Variants in GPR132 observed in about 807,000 individuals in gnomAD.
The protein encoded by GPR132 is probable G protein-coupled receptor 132.
A neutral mutation model predicts 1.9 loss-of-function variants in GPR132; 4 were observed. That is an observed-to-expected ratio of 2.13 (90% CI 1.05 to 4.87). The LOEUF (loss-of-function observed/expected upper bound fraction) is 4.87. Among genes scored for constraint, GPR132 ranks in the 30% most tolerant of loss-of-function variants. The pLI is 0.01. For synonymous variants in GPR132, 233 were observed against 234.2 expected (o/e 0.99, Z 0.05); for missense variants, 404 against 512.5 (o/e 0.79, Z 2.04).
rs775680264 is a variant in GPR132 at position 105,051,937 on chromosome 14, G to T, written c.200C>A (p.Ala67Glu). 1.1e-5 allele frequency: 17 copies of T among 1,613,322 alleles called. No homozygotes were observed. Among genetic ancestry groups the T allele is most frequent in the Non-Finnish European group, 1.4e-5 (17 of 1,179,922 alleles). The change falls in exon 4 of 4, where the codon GCG becomes GAG. Residue 67 changes from alanine to glutamate, a missense_variant. Physicochemically the swap from Ala to Glu is moderately radical, Grantham distance 107 (BLOSUM62 -1). Coordinates refer to ENST00000329797, the MANE Select transcript of GPR132 (RefSeq NM_013345.4). The surrounding 1 kb of genome is among the most constrained non-coding windows in gnomAD (Gnocchi z 8.0). Reference protein sequence around the residue: ...VPANCLTAWLALLQVLQGNVL... With the variant: ...VPANCLTAWLELLQVLQGNVL... ...GTTGCCCTGCAGTACCTGCAGCAGC[G>T]CCAGCCACGCAGTCAGGCAGTTGGC...
chr14:105,052,086 C>A lies in GPR132; in HGVS notation c.51G>T (p.Val17=). Residue 17 remains valine, a synonymous_variant, in exon 4 of 4, where the codon GTG becomes GTT. Transcript: ENST00000329797. ...KNGYNGNATP[V]TTTAPWASLG... ...GGGAGGCCCACGGGGCAGTGGTGGT[C>A]ACTGGGGTGGCGTTTCCTGTGGGAC... 6.4e-7 allele frequency: 1 copy of A among 1,573,804 alleles called. No individual in the cohort carries two copies. Among genetic ancestry groups the A allele is most frequent in the South Asian group, 1.1e-5 (1 of 88,172 alleles).
At position 105,054,293 on chromosome 14, in the gene GPR132, C is replaced by T. The variant is rs564293842; in HGVS notation, c.34+1094G>A. 3 of 1,074,754 alleles carry T rather than the reference C, an allele frequency of 2.8e-6. No individual in the cohort carries two copies. The African/African-American group carries it at 5.1e-5, about 18-fold the overall frequency. 66.6% of individuals were successfully genotyped at this position (1,074,754 alleles called of 1,614,324 possible). ...CTGTCCAGCCCGCTGGCCTCAGGAA[C>T]CTTCCACATGCAAATGTCGTAGTTT... On this transcript the variant is annotated intron_variant, in intron 3 of 3. Transcript: ENST00000329797.
At position 105,055,736 on chromosome 14, in the gene GPR132, T is replaced by C. The variant is rs1472640563; in HGVS notation, c.-316A>G. 2.3e-6 allele frequency: 1 copy of C among 440,590 alleles called. No individual in the cohort carries two copies. Among genetic ancestry groups the C allele is most frequent in the African/African-American group, 1.9e-5 (1 of 51,558 alleles). 27.3% of individuals were successfully genotyped at this position (440,590 alleles called of 1,614,324 possible). On this transcript the variant is annotated 5_prime_UTR_variant, in exon 3 of 4. Transcript: ENST00000329797. This position sits in a 1 kb window ranked among gnomAD's most constrained non-coding sequence, Gnocchi z 4.7. ...GGATGGTATTCCATTGTATTCAGTG[T>C]GTCCTCCAGGGTCTCGCCAAAAATA...
rs144273551 is a variant in GPR132, at chr14:105,059,839, A to AAAAC, written c.-860-2563_-860-2560dup. Among the ~76,000 whole-genome samples, 1 of 152,384 alleles carries AAAAC rather than the reference A, an allele frequency of 6.6e-6. No individual in the cohort carries two copies. Among genetic ancestry groups the AAAAC allele is most frequent in the African/African-American group, 2.4e-5 (1 of 41,600 alleles). On this transcript the variant is annotated intron_variant, in intron 1 of 3. Coordinates refer to ENST00000329797, the MANE Select transcript of GPR132 (RefSeq NM_013345.4). The surrounding 1 kb of genome is among the most constrained non-coding windows in gnomAD (Gnocchi z 4.2). ...GTCTCGACGTTTTTTAACAACTGGA[A>AAAAC]AAACAGGAAGCCACAATGTTCTCCT...
In GPR132 at chr14:105,060,823, G is replaced by A. The variant is rs1886921418; in HGVS notation, c.-860-3543C>T. On this transcript the variant is annotated intron_variant, in intron 1 of 3. Transcript: ENST00000329797. This position sits in a 1 kb window ranked among gnomAD's most constrained non-coding sequence, Gnocchi z 6.3. The stretch of plus-strand genomic sequence containing the variant: ...GCCGGCAACCCTGGGTCAGAGGGCT[G>A]CAAGCACTTCTGCAAAACCAAAGGA... Among the ~76,000 whole-genome samples the A allele has an allele frequency of 6.6e-6, 1 of 152,246 alleles. No homozygotes were observed. The highest frequency in any genetic ancestry group is 2.4e-5 in the African/African-American group (1 of 41,458).
Position 105,056,460 on chromosome 14 carries a change from C to G in GPR132, c.-746-294G>C, listed in dbSNP as rs1037221886. 1.3e-5 allele frequency among the ~76,000 whole-genome samples: 2 copies of G among 152,176 alleles called. No homozygotes were observed. The highest frequency in any genetic ancestry group is 4.8e-5 in the African/African-American group (2 of 41,448). ...GGCCCTGGGAGGCAGAGCCAGAATC[C>G]AAAACACAAGGGGAGATGCAGGCAA... is the stretch of plus-strand genomic sequence containing the variant. On this transcript the variant is annotated intron_variant, in intron 2 of 3. Transcript: ENST00000329797. The surrounding 1 kb of genome is among the most constrained non-coding windows in gnomAD (Gnocchi z 6.0).
chr14:105,061,742 T>G (rs1886948437), intron 1 of GPR132, among the ~76,000 whole-genome samples: 1 of 148,578 alleles, frequency 6.7e-6, no homozygotes, highest in Non-Finnish European at 1.5e-5. Context: ...ACCACCCTCC[T>G]GGGGGGGGGG....
At position 105,056,887 on chromosome 14, in the gene GPR132, C is replaced by T. The variant is rs1050353043; in HGVS notation, c.-747+280G>A. Reference sequence around the variant, plus strand: ...AGACCGTGCAGGGCTCCCCTGGGACCTGTGGGACAGCCCCCTGACTCAGTA... The same window carrying T: ...AGACCGTGCAGGGCTCCCCTGGGACTTGTGGGACAGCCCCCTGACTCAGTA... On this transcript the variant is annotated intron_variant, in intron 2 of 3. Transcript: ENST00000329797. This position sits in a 1 kb window ranked among gnomAD's most constrained non-coding sequence, Gnocchi z 6.0. 1.3e-5 allele frequency among the ~76,000 whole-genome samples: 2 copies of T among 152,244 alleles called. No homozygotes were observed. Among genetic ancestry groups the T allele is most frequent in the Admixed American group, 6.5e-5 (1 of 15,288 alleles).
chr14:105,055,271 G>A lies in GPR132; in HGVS notation c.34+116C>T. The A allele has an allele frequency of 1.3e-6, 1 of 752,492 alleles. No homozygotes were observed. Among genetic ancestry groups the A allele is most frequent in the Non-Finnish European group, 2.5e-6 (1 of 399,340 alleles). 46.6% of individuals were successfully genotyped at this position (752,492 alleles called of 1,614,324 possible). On this transcript the variant is annotated intron_variant, in intron 3 of 3. Transcript: ENST00000329797. The surrounding 1 kb of genome is among the most constrained non-coding windows in gnomAD (Gnocchi z 4.7). ...GAACCTGGGAGGCAGAAGCTGCAGT[G>A]AGCCGAGATTGTGCCACTGCACTCC...
chr14:105,051,810 G>T lies in GPR132; in HGVS notation c.327C>A (p.Thr109=). ...VIYIRNQHRW[T]LGLLACKVTA... ...TCACCTTGCAGGCCAGCAGGCCTAG[G>T]GTCCAGCGGTGCTGGTTGCGGATAT... Residue 109 remains threonine, a synonymous_variant, in exon 4 of 4, where the codon ACC becomes ACA. Transcript: ENST00000329797. The surrounding 1 kb of genome is among the most constrained non-coding windows in gnomAD (Gnocchi z 8.0). 2 of 1,614,138 alleles carry T rather than the reference G, an allele frequency of 1.2e-6. No individual in the cohort carries two copies. Among genetic ancestry groups the T allele is most frequent in the Non-Finnish European group, 1.7e-6 (2 of 1,180,002 alleles).
At chr14:105,062,148 T>G (rs1482723376) in intron 1 of GPR132, among the ~76,000 whole-genome samples, 1 of 152,132 alleles carries the variant, frequency 6.6e-6, no homozygotes, top group Non-Finnish European at 1.5e-5. Flanking sequence ...AAGACCACAG[T>G]GTGTGTGGGC....
At chr14:105,052,820 G>A (rs1205976227) in intron 3 of GPR132, among the ~76,000 whole-genome samples, 14 of 151,530 alleles carry the variant, frequency 9.2e-5, no homozygotes, top group African/African-American at 2.9e-4. Context: ...ATAGTTGGGC[G>A]TGCTGGCTCG....
At chr14:105,052,687 T>C (rs561726132) in intron 3 of GPR132, among the ~76,000 whole-genome samples, 72 of 151,404 alleles carry the variant, frequency 4.8e-4, no homozygotes, top group African/African-American at 1.6e-3. Context: ...CCCGGCATGG[T>C]GGCTCACACC....
At chr14:105,052,240 A>AT in intron 3 of GPR132, 138 bp from the exon 4 acceptor site, 1 of 630,888 alleles carries the variant, frequency 1.6e-6, no homozygotes, top group Non-Finnish European at 2.6e-6. Context: ...TTCCAAATTG[A>AT]TTTTTTAGAG....
intron 1 of GPR132, among the ~76,000 whole-genome samples, chr14:105,064,321 C>T (rs764710599): frequency 5.3e-5 from 8 of 152,110 alleles, no homozygotes; most frequent in Admixed American, 6.6e-5. Flanking sequence ...CTCCACCACA[C>T]CCATCCAAAG....
intron 1 of GPR132, among the ~76,000 whole-genome samples, chr14:105,061,748 G>T (rs534587926): frequency 2.8e-4 from 42 of 152,262 alleles, no homozygotes; most frequent in Non-Finnish European, 4.4e-4. Context: ...CTCCTGGGGG[G>T]GGGGAGTCCC....
intron 3 of GPR132, among the ~76,000 whole-genome samples, chr14:105,052,604 G>A (rs373025149): frequency 2.0e-5 from 3 of 152,060 alleles, no homozygotes; most frequent in African/African-American, 7.2e-5. Context: ...TGGGATTACA[G>A]GCGTGAGCCA....
rs1886636455 is a variant in GPR132 at position 105,051,426 on chromosome 14, C to T, written c.711G>A (p.Lys237=). 1.9e-6 allele frequency: 3 copies of T among 1,614,182 alleles called. No homozygotes were observed. The highest frequency in any genetic ancestry group is 2.7e-5 in the African/African-American group (2 of 75,070). Residue 237 remains lysine (K), a synonymous_variant, in exon 4 of 4, where the codon AAG becomes AAA. Coordinates refer to ENST00000329797, the MANE Select transcript of GPR132 (RefSeq NM_013345.4). This position sits in a 1 kb window ranked among gnomAD's most constrained non-coding sequence, Gnocchi z 8.0. ...CGATGGCCGAGTGCTTCACCTTGGC[C>T]TTCTGGGCAGCGCTTAAGCCCATGC... ...KQSMGLSAAQ[K]AKVKHSAIAV...
At position 105,056,111 on chromosome 14, in the gene GPR132, G is replaced by A. The variant is rs946343849; in HGVS notation, c.-691C>T. 6.1e-6 allele frequency: 6 copies of A among 984,786 alleles called. No homozygotes were observed. Among genetic ancestry groups the A allele is most frequent in the South Asian group, 4.7e-5 (1 of 21,288 alleles). The allele number at this position is 984,786 out of a possible 1,614,324, so 61.0% of individuals were successfully genotyped here. On this transcript the variant is annotated 5_prime_UTR_variant, in exon 3 of 4. Transcript: ENST00000329797. The surrounding 1 kb of genome is among the most constrained non-coding windows in gnomAD (Gnocchi z 6.0). Reference sequence around the variant, plus strand: ...AGGGCTCCGGTCTCCCCACAGCCTCGCTGCGCTTGCTGGGTTTCTCCGGGT... The same window carrying A: ...AGGGCTCCGGTCTCCCCACAGCCTCACTGCGCTTGCTGGGTTTCTCCGGGT...
Sources: gnomAD v4.1 joint callset for allele counts (sites outside exome capture counted in the v4.1 genomes callset) on GRCh38, gnomAD v4.1.1 for gene constraint, Gnocchi (gnomAD v3.1) non-coding constraint, MANE v1.5 for transcripts, NCBI Gene and HGNC (gene_info 2026-07-23, HGNC 2026-07-21) for gene names.